Variants in ASXL1 observed in about 807,000 individuals in gnomAD.
The protein encoded by ASXL1 is ASXL transcriptional regulator 1, also known as polycomb group protein ASXL1.
ASXL1 carries 65 observed loss-of-function variants against 89.1 expected under a neutral mutation model. The observed-to-expected ratio is 0.73, with a 90% CI of 0.60 to 0.90. The LOEUF (loss-of-function observed/expected upper bound fraction) is 0.90. Among genes scored for constraint, ASXL1 ranks in the 40% least tolerant of loss-of-function variants. The pLI, the probability that ASXL1 is intolerant of heterozygous loss-of-function variation, is 0.00. For synonymous variants in ASXL1, 739 were observed against 746.9 expected (o/e 0.99, Z 0.17); for missense variants, 1,786 against 1,942.9 (o/e 0.92, Z 1.52).
intron 4 of ASXL1, among the ~76,000 whole-genome samples, chr20:32,383,296 T>C (rs999010781): frequency 1.3e-5 from 2 of 151,908 alleles, no homozygotes; most frequent in Non-Finnish European, 2.9e-5. Context: ...GCATTTATAG[T>C]TGTTGGTTTT....
Position 32,439,124 on chromosome 20 carries a change from C to A in ASXL1, c.*1786C>A. On this transcript the variant is annotated 3_prime_UTR_variant, in exon 13 of 13. Coordinates refer to ENST00000375687, the MANE Select transcript of ASXL1 (RefSeq NM_015338.6). ...GCAGTATTGGCCAAGTCCAAGTTGT[C>A]AACTTAAGCGTCTGTTTACCAAAGA... 4.3e-6 allele frequency: 1 copy of A among 233,576 alleles called. No homozygotes were observed. Among genetic ancestry groups the A allele is most frequent in the Middle Eastern group, 1.3e-3 (1 of 786 alleles). 14.5% of individuals were successfully genotyped at this position (233,576 alleles called of 1,614,324 possible).
At chr20:32,377,181 A>G (rs2048400367) in intron 4 of ASXL1, among the ~76,000 whole-genome samples, 1 of 143,232 alleles carries the variant, frequency 7.0e-6, no homozygotes, top group African/African-American at 2.6e-5. Context: ...TATATAATAT[A>G]TTATAGATAT....
At chr20:32,421,929 C>T (rs1435015483) in intron 4 of ASXL1, among the ~76,000 whole-genome samples, 2 of 131,384 alleles carry the variant, frequency 1.5e-5, no homozygotes, top group African/African-American at 2.8e-5. Flanking sequence ...AGTGCAGTGG[C>T]GTGATCTCGG....
At chr20:32,364,083 C>T (rs2048166729) in intron 1 of ASXL1, among the ~76,000 whole-genome samples, 1 of 152,122 alleles carries the variant, frequency 6.6e-6, no homozygotes, top group Admixed American at 6.6e-5. Flanking sequence ...GTAATTGCCC[C>T]AGTTTAGAAT....
At position 32,434,633 on chromosome 20, in the gene ASXL1, A is replaced by G. The variant is rs1451193317; in HGVS notation, c.1921A>G (p.Ile641Val). Residue 641 changes from isoleucine (I) to valine (V), a missense_variant, in exon 13 of 13, where the codon ATC (isoleucine) becomes GTC (valine). Transcript: ENST00000375687. ...CCATAGAGAGGCGGCCACCACTGCC[A>G]TCGGAGGGGGGGGTGGCCCGGGTGG... The part of the protein sequence containing the change: ...HCHREAATTA[I>V]GGGGGPGGGG... The G allele has an allele frequency of 6.2e-7, 1 of 1,608,304 alleles. No individual in the cohort carries two copies. The highest frequency in any genetic ancestry group is 1.7e-5 in the Admixed American group (1 of 59,516).
At position 32,435,936 on chromosome 20, in the gene ASXL1, A is replaced by G. The variant is rs2145378991; in HGVS notation, c.3224A>G (p.Lys1075Arg). 1 of 1,614,176 alleles carries G rather than the reference A, an allele frequency of 6.2e-7. No individual in the cohort carries two copies. Among genetic ancestry groups the G allele is most frequent in the Non-Finnish European group, 8.5e-7 (1 of 1,180,036 alleles). ...WVSRVCAVRQKIPDSLLLAST... is the reference protein window; with the variant it reads ...WVSRVCAVRQRIPDSLLLAST... ...TCTCGAGTATGTGCGGTCCGCCAAAAGATCCCAGATTCCCTACTGCTGGCC... is the reference window on the plus strand; with the variant it reads ...TCTCGAGTATGTGCGGTCCGCCAAAGGATCCCAGATTCCCTACTGCTGGCC... Residue 1075 changes from lysine (K) to arginine (R), a missense_variant, in exon 13 of 13, where the codon AAG becomes AGG. By Grantham distance (26) the Lys-to-Arg change is conservative. Around this residue, in one of 3 missense-constraint regions of ASXL1, gnomAD observed 1,418 missense variants for 1,427.8 expected, o/e 0.99. Coordinates refer to ENST00000375687, the MANE Select transcript of ASXL1 (RefSeq NM_015338.6).
intron 4 of ASXL1, among the ~76,000 whole-genome samples, chr20:32,405,911 C>CT (rs1248862151): frequency 7.3e-5 from 11 of 150,600 alleles, no homozygotes; most frequent in African/African-American, 9.8e-5. Context: ...ACCCCCACCC[C>CT]TTTTTTTTTG....
intron 4 of ASXL1, among the ~76,000 whole-genome samples, chr20:32,425,791 G>T (rs1238259351): frequency 6.6e-6 from 1 of 152,012 alleles, no homozygotes; most frequent in Non-Finnish European, 1.5e-5. Flanking sequence ...ACTAACCTCT[G>T]CCTCCTTCGT....
Position 32,432,775 on chromosome 20 carries a change from C to T in ASXL1, c.980-105C>T, listed in dbSNP as rs533576555. The T allele has an allele frequency of 8.1e-6, 11 of 1,362,680 alleles. No homozygotes were observed. In the East Asian group the frequency reaches 2.5e-4, roughly 31 times the overall value. 84.4% of individuals were successfully genotyped at this position (1,362,680 alleles called of 1,614,324 possible). A position where few individuals can be genotyped will look rare whatever the true frequency, so the allele number is the denominator to read the frequency against. On this transcript the variant is annotated intron_variant, in intron 10 of 12. Transcript: ENST00000375687. ...CCTATAAGAGCATGATGTGAGAGAG[C>T]CTTTAGAAGAGACGTGTTGTTTTAA...
intron 4 of ASXL1, among the ~76,000 whole-genome samples, chr20:32,373,238 G>A (rs982211575): frequency 4.1e-4 from 62 of 151,644 alleles, no homozygotes; most frequent in African/African-American, 1.5e-3. Context: ...TTAGCCGGGC[G>A]TGGTTGTGCA....
intron 4 of ASXL1, among the ~76,000 whole-genome samples, chr20:32,394,782 T>G (rs2048733507): frequency 6.6e-6 from 1 of 152,102 alleles, no homozygotes; most frequent in African/African-American, 2.4e-5. Flanking sequence ...GGTGCAATCT[T>G]GGCTTACTGC....
intron 1 of ASXL1, among the ~76,000 whole-genome samples, chr20:32,361,092 G>C (rs978214022): frequency 3.3e-5 from 5 of 152,002 alleles, no homozygotes; most frequent in African/African-American, 1.2e-4. Flanking sequence ...TGTGAAAAAG[G>C]ATTTGCGAGA....
At chr20:32,389,132 AACC>A in intron 4 of ASXL1, among the ~76,000 whole-genome samples, 1 of 151,828 alleles carries the variant, frequency 6.6e-6, no homozygotes, top group Non-Finnish European at 1.5e-5. Context: ...TTTTGCTTTT[AACC>A]CACATGTGTT....
chr20:32,417,818 G>A (rs117689024), intron 4 of ASXL1, among the ~76,000 whole-genome samples: 531 of 152,086 alleles, frequency 3.5e-3, no homozygotes, highest in Non-Finnish European at 6.4e-3. Context: ...TGAGGAGGGT[G>A]GATTGCTTGC....
chr20:32,402,081 G>A (rs907796995), intron 4 of ASXL1, among the ~76,000 whole-genome samples: 7 of 152,182 alleles, frequency 4.6e-5, no homozygotes, highest in Non-Finnish European at 7.4e-5. Context: ...TTACCTTTGA[G>A]ATTGGCTTTT....
At chr20:32,388,192 T>A (rs1157385639) in intron 4 of ASXL1, among the ~76,000 whole-genome samples, 2 of 151,892 alleles carry the variant, frequency 1.3e-5, no homozygotes, top group South Asian at 2.1e-4. Flanking sequence ...TTATTTATTT[T>A]GAGACAGAGT....
intron 4 of ASXL1, among the ~76,000 whole-genome samples, chr20:32,411,215 C>CTTTTTTTTTTTTTT (rs71187118): frequency 1.9e-5 from 1 of 53,394 alleles, no homozygotes; most frequent in Non-Finnish European, 3.2e-5. Context: ...TTTATGGATT[C>CTTTTTTTTTTTTTT]TTTTTTTTTT....
chr20:32,361,163 A>T (rs968742663), intron 1 of ASXL1, among the ~76,000 whole-genome samples: 2 of 152,224 alleles, frequency 1.3e-5, no homozygotes, highest in African/African-American at 2.4e-5. Context: ...AGCCTGGGCA[A>T]CATAGACCCG....
chr20:32,393,956 A>T (rs1201240045), intron 4 of ASXL1, among the ~76,000 whole-genome samples: 2 of 149,962 alleles, frequency 1.3e-5, no homozygotes, highest in African/African-American at 4.9e-5. Context: ...TCAGCCTCCC[A>T]AGTAGCTGGG....
Sources: allele counts gnomAD v4.1 joint callset (sites outside exome capture counted in the v4.1 genomes callset), GRCh38; gene constraint gnomAD v4.1.1; regional missense constraint gnomAD v4.1.1; transcripts MANE v1.5; gene names NCBI Gene and HGNC (gene_info 2026-07-23, HGNC 2026-07-21).